PDE11A: variants seen among roughly 807,000 people sequenced by gnomAD.
PDE11A encodes phosphodiesterase 11A.
In PDE11A, 100 loss-of-function variants were observed where a neutral mutation model predicts 100.5. The observed-to-expected ratio is 1.00, with a 90% CI of 0.85 to 1.18. The LOEUF is 1.18. Ranked by LOEUF, PDE11A falls within the 50% of genes most tolerant of loss-of-function variation. The probability of loss-of-function intolerance (pLI) is 0.00; values close to 1 mark genes in which losing one functional copy is unlikely to be tolerated. For synonymous variants in PDE11A, 381 were observed against 420.8 expected, an observed-to-expected ratio of 0.91 and a Z score of 1.16; for missense variants, 1,141 against 1,152.6, an observed-to-expected ratio of 0.99 and a Z score of 0.15.
intron 9 of PDE11A, among the ~76,000 whole-genome samples, chr2:177,807,322 G>A (rs1421133328): frequency 6.6e-6 from 1 of 152,184 alleles, no homozygotes; most frequent in Non-Finnish European, 1.5e-5. Context: ...GCTTTAAGCA[G>A]TAAGTTACCA....
At position 177,626,288 on chromosome 2, in the gene PDE11A, TAA is replaced by T. The variant is rs1490699551; in HGVS notation, c.*3117_*3118del. On this transcript the variant is annotated 3_prime_UTR_variant, in exon 20 of 20. Coordinates refer to ENST00000286063, the MANE Select transcript of PDE11A (RefSeq NM_016953.4). ...TCAGACCCTGGGTCCAGTTTTGTCA[TAA>T]AGCACATGCTTTAAAATGTTGCTGT... The T allele has an allele frequency of 3.9e-5, 6 of 152,746 alleles. No individual in the cohort carries two copies. Among genetic ancestry groups the T allele is most frequent in the African/African-American group, 1.4e-4 (6 of 41,586 alleles). 9.5% of individuals were successfully genotyped at this position (152,746 alleles called of 1,614,324 possible). A position where few individuals can be genotyped will look rare whatever the true frequency, so the allele number is the denominator to read the frequency against.
chr2:177,684,070 C>T (rs1419280901), intron 15 of PDE11A, among the ~76,000 whole-genome samples: 1 of 152,166 alleles, frequency 6.6e-6, no homozygotes, highest in Admixed American at 6.5e-5. Flanking sequence ...GGAGATCTAA[C>T]AGTTTGCCCA....
intron 6 of PDE11A, among the ~76,000 whole-genome samples, chr2:177,827,822 C>A (rs1344359825): frequency 6.6e-6 from 1 of 152,148 alleles, no homozygotes; most frequent in East Asian, 1.9e-4. Flanking sequence ...TCTAAGAAGT[C>A]ACCTAATACA....
At chr2:177,779,255 C>T (rs1212489333) in intron 9 of PDE11A, among the ~76,000 whole-genome samples, 1 of 152,140 alleles carries the variant, frequency 6.6e-6, no homozygotes, top group African/African-American at 2.4e-5. Flanking sequence ...TTCAGCAAGT[C>T]GTAATATTTT....
intron 19 of PDE11A, among the ~76,000 whole-genome samples, chr2:177,658,765 C>G (rs1340712162): frequency 6.7e-6 from 1 of 148,702 alleles, no homozygotes; most frequent in African/African-American, 2.5e-5. Context: ...TTAGGGAACA[C>G]TGGATTGCTT....
chr2:177,817,232 G>C (rs540931928), intron 8 of PDE11A, among the ~76,000 whole-genome samples: 22 of 152,264 alleles, frequency 1.4e-4, no homozygotes, highest in African/African-American at 4.6e-4. Context: ...ACTGATTTTA[G>C]TAAATCCATT....
intron 1 of PDE11A, chr2:178,018,218 T>C (rs745391798): frequency 7.6e-6 from 3 of 396,428 alleles, no homozygotes; most frequent in Non-Finnish European, 1.5e-5. Flanking sequence ...AGTGTTTAGC[T>C]CCTGCTTCCA....
chr2:177,963,423 A>T (rs531737008), intron 2 of PDE11A, among the ~76,000 whole-genome samples: 1 of 152,350 alleles, frequency 6.6e-6, no homozygotes, highest in Admixed American at 6.5e-5. Context: ...GAGCAGGAGC[A>T]GATCTTTAAA....
chr2:177,682,512 G>C (rs539805792), intron 15 of PDE11A, among the ~76,000 whole-genome samples: 1 of 152,126 alleles, frequency 6.6e-6, no homozygotes, highest in African/African-American at 2.4e-5. Flanking sequence ...GCGTAGATAC[G>C]GAAAAGACAA....
chr2:177,647,188 T>C (rs568980067), intron 19 of PDE11A, among the ~76,000 whole-genome samples: 3 of 152,314 alleles, frequency 2.0e-5, no homozygotes, highest in African/African-American at 7.2e-5. Flanking sequence ...TTCATAGAAA[T>C]ATATAAAACT....
At chr2:177,749,809 T>C (rs563538736) in intron 10 of PDE11A, among the ~76,000 whole-genome samples, 2 of 152,352 alleles carry the variant, frequency 1.3e-5, no homozygotes, top group South Asian at 2.1e-4. Flanking sequence ...TAGTTTAACA[T>C]GATTTAGAAA....
intron 5 of PDE11A, among the ~76,000 whole-genome samples, chr2:177,874,108 A>G (rs2084191604): frequency 6.6e-6 from 1 of 152,136 alleles, no homozygotes; most frequent in African/African-American, 2.4e-5. Flanking sequence ...CAACAAGCAG[A>G]TTTTAAATGA....
At chr2:178,066,349 C>T (rs758183115) in intron 1 of PDE11A, among the ~76,000 whole-genome samples, 1 of 152,110 alleles carries the variant, frequency 6.6e-6, no homozygotes, top group East Asian at 1.9e-4. Flanking sequence ...CATGAAAGAC[C>T]CCTGCTTGAG....
At chr2:177,835,715 A>G (rs113975690) in intron 6 of PDE11A, among the ~76,000 whole-genome samples, 31,572 of 152,028 alleles carry the variant, frequency 0.21, 3,372 homozygotes, top group Middle Eastern at 0.26. Flanking sequence ...TGGCACTGGC[A>G]GCCCACCACA....
intron 2 of PDE11A, among the ~76,000 whole-genome samples, chr2:177,923,071 T>C (rs145884684): frequency 2.0e-5 from 3 of 152,328 alleles, no homozygotes; most frequent in African/African-American, 7.2e-5. Flanking sequence ...GAAATGGCAC[T>C]TTATATGCTT....
intron 2 of PDE11A, among the ~76,000 whole-genome samples, chr2:177,917,659 A>T (rs1381369217): frequency 6.6e-6 from 1 of 152,252 alleles, no homozygotes; most frequent in Admixed American, 6.5e-5. Flanking sequence ...CCAATATTTA[A>T]GACTGTGGCT....
At position 177,628,862 on chromosome 2, in the gene PDE11A, C is replaced by T. The variant is rs2079874157; in HGVS notation, c.*545G>A. 1 of 173,212 alleles carries T rather than the reference C, an allele frequency of 5.8e-6. No individual in the cohort carries two copies. The allele number at this position is 173,212 out of a possible 1,614,324, so 10.7% of individuals were successfully genotyped here. A position where few individuals can be genotyped will look rare whatever the true frequency, so the allele number is the denominator to read the frequency against. Reference sequence around the variant, plus strand: ...TATTTATAAGGATAGTATAGTTTACCTTTTAGGTAGGCAATTCTAAAGGAT... The same window carrying T: ...TATTTATAAGGATAGTATAGTTTACTTTTTAGGTAGGCAATTCTAAAGGAT... On this transcript the variant is annotated 3_prime_UTR_variant, in exon 20 of 20. Transcript: ENST00000286063.
At chr2:177,991,258 G>A (rs2086000439) in intron 2 of PDE11A, among the ~76,000 whole-genome samples, 1 of 150,746 alleles carries the variant, frequency 6.6e-6, no homozygotes, top group South Asian at 2.1e-4. Flanking sequence ...TTGAACCTGG[G>A]AGGCGGAGGT....
chr2:177,633,486 C>T (rs13019660), intron 19 of PDE11A, among the ~76,000 whole-genome samples: 101,729 of 152,108 alleles, frequency 0.67, 37,545 homozygotes, highest in East Asian at 0.86. Flanking sequence ...GTTGAAAGCC[C>T]GATGTCCTTA....
Sources: allele counts gnomAD v4.1 joint callset (sites outside exome capture counted in the v4.1 genomes callset), GRCh38; gene constraint gnomAD v4.1.1; transcripts MANE v1.5; gene names NCBI Gene and HGNC (gene_info 2026-07-23, HGNC 2026-07-21).